MYO3A: variants seen among roughly 807,000 people sequenced by gnomAD.
MYO3A encodes the protein myosin IIIA.
In MYO3A, 180 loss-of-function variants were observed where a neutral mutation model predicts 192.7. The ratio of observed to expected loss-of-function variants is 0.93; its 90% CI spans 0.83 to 1.06. The LOEUF (loss-of-function observed/expected upper bound fraction) is 1.06. MYO3A is among the 50% of genes least tolerant of loss of function. MYO3A has a pLI of 0.00. For missense variants in MYO3A, 1,896 were observed against 1,905.0 expected (o/e 1.00, Z 0.09); for synonymous variants, 628 against 645.3 (o/e 0.97, Z 0.41).
intron 10 of MYO3A, among the ~76,000 whole-genome samples, chr10:26,053,072 T>C (rs893707922): frequency 6.6e-6 from 1 of 151,832 alleles, no homozygotes; most frequent in Non-Finnish European, 1.5e-5. Flanking sequence ...AAGAAAACAT[T>C]GAAAAAAGTA....
chr10:26,040,406 A>T (rs910230978), intron 10 of MYO3A, among the ~76,000 whole-genome samples: 1 of 152,174 alleles, frequency 6.6e-6, no homozygotes. Context: ...ATTGTTCAAG[A>T]ACGATGTTAA....
At chr10:26,098,081 G>T (rs979242637) in intron 17 of MYO3A, among the ~76,000 whole-genome samples, 1 of 152,134 alleles carries the variant, frequency 6.6e-6, no homozygotes, top group African/African-American at 2.4e-5. Context: ...AGCACCTGTT[G>T]TTTCCTGACT....
At chr10:26,161,279 T>C (rs1841474306) in intron 26 of MYO3A, among the ~76,000 whole-genome samples, 1 of 152,258 alleles carries the variant, frequency 6.6e-6, no homozygotes, top group South Asian at 2.1e-4. Context: ...GACCCTTTGT[T>C]CTGTTGTAGA....
intron 20 of MYO3A, 44 bp downstream of exon 20, chr10:26,128,582 T>C: frequency 1.9e-6 from 3 of 1,550,698 alleles, no homozygotes; most frequent in Non-Finnish European, 2.7e-6. Context: ...ATGCATGTAT[T>C]ATAGGCAGAC....
chr10:26,150,681 G>T (rs998184452), intron 23 of MYO3A, among the ~76,000 whole-genome samples: 1 of 152,110 alleles, frequency 6.6e-6, no homozygotes, highest in South Asian at 2.1e-4. Context: ...CATAAGTGAC[G>T]TTGGTAATTT....
intron 4 of MYO3A, among the ~76,000 whole-genome samples, chr10:25,989,393 C>T (rs1839868705): frequency 6.6e-6 from 1 of 151,986 alleles, no homozygotes; most frequent in African/African-American, 2.4e-5. Context: ...GCTTCCAGGG[C>T]AGCAACACTC....
intron 14 of MYO3A, among the ~76,000 whole-genome samples, chr10:26,083,564 T>C (rs1334786997): frequency 1.3e-5 from 2 of 152,208 alleles, no homozygotes; most frequent in Non-Finnish European, 2.9e-5. Context: ...ATTTTTTGCA[T>C]TGTAACAGAT....
intron 17 of MYO3A, among the ~76,000 whole-genome samples, chr10:26,108,686 CTG>C (rs1837978198): frequency 6.6e-6 from 1 of 152,150 alleles, no homozygotes. Context: ...TAGGGAAATT[CTG>C]CTCTTGGCAG....
At chr10:25,954,620 A>C (rs2130577812) in intron 3 of MYO3A, among the ~76,000 whole-genome samples, 1 of 152,260 alleles carries the variant, frequency 6.6e-6, no homozygotes, top group South Asian at 2.1e-4. Context: ...ATTGCAAATA[A>C]AAATAACATT....
intron 24 of MYO3A, 148 bp downstream of exon 24, chr10:26,154,077 T>C: frequency 3.0e-6 from 2 of 667,992 alleles, no homozygotes; most frequent in Non-Finnish European, 5.4e-6. Context: ...ATTTATGTTA[T>C]GTTCTTGTTA....
rs1839448297 is a variant in MYO3A, at chr10:25,983,329, C to T, written c.304-13161C>T. 7.3e-5 allele frequency among the ~76,000 whole-genome samples: 11 copies of T among 151,590 alleles called. No individual in the cohort carries two copies. In the South Asian group the frequency reaches 2.3e-3, roughly 31 times the overall value. ...GGAGTGCAGTGGTGCGATCTCGGCT[C>T]ACTGCAAGCTCCGCCTCCCGGGTTC... On this transcript the variant is annotated intron_variant, in intron 4 of 34. Coordinates refer to ENST00000642920, the MANE Select transcript of MYO3A (RefSeq NM_017433.5).
chr10:26,195,378 C>T (rs530659156), intron 32 of MYO3A, among the ~76,000 whole-genome samples: 2 of 152,316 alleles, frequency 1.3e-5, no homozygotes, highest in African/African-American at 4.8e-5. Flanking sequence ...AGTTCTGAGT[C>T]ACTCCTCTTA....
intron 10 of MYO3A, among the ~76,000 whole-genome samples, chr10:26,046,616 C>T (rs1427022037): frequency 3.3e-5 from 5 of 152,156 alleles, no homozygotes. Flanking sequence ...AATAGATTAC[C>T]ATCTGTGATA....
chr10:26,145,825 A>AC (rs1216751747), intron 22 of MYO3A, among the ~76,000 whole-genome samples: 1 of 152,222 alleles, frequency 6.6e-6, no homozygotes, highest in Non-Finnish European at 1.5e-5. Context: ...ATAAGTTTAT[A>AC]GTTTTTCTAG....
chr10:26,084,996 G>A (rs752818404), intron 14 of MYO3A, among the ~76,000 whole-genome samples: 3 of 152,134 alleles, frequency 2.0e-5, no homozygotes, highest in Admixed American at 2.0e-4. Flanking sequence ...ATTTTGGTAG[G>A]TTGTATTTTT....
At chr10:26,206,931 C>T in intron 34 of MYO3A, among the ~76,000 whole-genome samples, 1 of 152,082 alleles carries the variant, frequency 6.6e-6, no homozygotes, top group East Asian at 1.9e-4. Context: ...TTGTAATTTG[C>T]ATTTCCCCAA....
chr10:26,030,326 T>A (rs1842748065), intron 10 of MYO3A, among the ~76,000 whole-genome samples: 1 of 152,262 alleles, frequency 6.6e-6, no homozygotes, highest in Non-Finnish European at 1.5e-5. Context: ...TTTTTTACTT[T>A]ATTTTTTTAA....
intron 14 of MYO3A, among the ~76,000 whole-genome samples, chr10:26,072,551 T>C (rs1835271032): frequency 2.0e-5 from 3 of 152,108 alleles, no homozygotes. Flanking sequence ...GGGGTCTGCA[T>C]CTTATTGTCT....
At chr10:26,027,783 C>T (rs980522667) in intron 10 of MYO3A, among the ~76,000 whole-genome samples, 1 of 152,256 alleles carries the variant, frequency 6.6e-6, no homozygotes, top group East Asian at 1.9e-4. Context: ...AGATAGCATT[C>T]CCTTGCCTGA....
Sources: allele counts gnomAD v4.1 joint callset (sites outside exome capture counted in the v4.1 genomes callset), GRCh38; gene constraint gnomAD v4.1.1; transcripts MANE v1.5; gene names NCBI Gene and HGNC (gene_info 2026-07-23, HGNC 2026-07-21).